Variants in ATP11B observed in about 807,000 individuals in gnomAD.
ATP11B encodes ATPase phospholipid transporting 11B (putative).
A neutral mutation model predicts 157.8 loss-of-function variants in ATP11B; 81 were observed. The ratio of observed to expected loss-of-function variants is 0.51; its 90% CI spans 0.43 to 0.62. ATP11B has a LOEUF of 0.62. Among genes scored for constraint, ATP11B ranks in the 20% least tolerant of loss-of-function variants. The pLI is 0.00. For synonymous variants in ATP11B, 451 were observed against 469.4 expected (o/e 0.96, Z 0.51); for missense variants, 1,165 against 1,402.2 (o/e 0.83, Z 2.70).
chr3:182,899,150 A>ATT (rs34492261), intron 28 of ATP11B, among the ~76,000 whole-genome samples: 5 of 128,356 alleles, frequency 3.9e-5, no homozygotes, highest in Admixed American at 8.2e-5. Flanking sequence ...AATTTGAGTA[A>ATT]TTTTTTTTTT....
In ATP11B at chr3:182,896,740, T is replaced by G. The variant is rs1263590731; in HGVS notation, c.3023T>G (p.Val1008Gly). 7 of 1,613,302 alleles carry G rather than the reference T, an allele frequency of 4.3e-6. No homozygotes were observed. Among genetic ancestry groups the G allele is most frequent in the Non-Finnish European group, 5.9e-6 (7 of 1,179,424 alleles). The change falls in exon 26 of 30, where the codon GTC becomes GGC. Residue 1008 changes from valine to glycine, a missense_variant. Val to Gly is a moderately radical substitution (Grantham distance 109). Transcript: ENST00000323116. ...ACATTTGGCACTTTGGTCTTCACAG[T>G]CATGGTTATTACAGTCACAGTAAAG... Reference protein sequence around the residue: ...NWTFGTLVFTVMVITVTVKMA... With the variant: ...NWTFGTLVFTGMVITVTVKMA...
intron 28 of ATP11B, among the ~76,000 whole-genome samples, chr3:182,910,392 A>G (rs1472405226): frequency 6.6e-6 from 1 of 152,052 alleles, no homozygotes; most frequent in African/African-American, 2.4e-5. Context: ...CCTGGGCCGT[A>G]TAGTAAGACC....
At chr3:182,866,480 C>T (rs1156726639) in intron 14 of ATP11B, 37 bp downstream of exon 14, 2 of 1,435,874 alleles carry the variant, frequency 1.4e-6, no homozygotes, top group Non-Finnish European at 1.9e-6. Flanking sequence ...CGGAAAAACA[C>T]CATTTAAATA....
chr3:182,824,907 G>T (rs973906309), intron 2 of ATP11B, among the ~76,000 whole-genome samples: 7 of 152,154 alleles, frequency 4.6e-5, no homozygotes, highest in Admixed American at 2.6e-4. Context: ...TTATGTATTT[G>T]TGGACATTGT....
chr3:182,902,786 A>G (rs1201741276), intron 28 of ATP11B, among the ~76,000 whole-genome samples: 1 of 152,044 alleles, frequency 6.6e-6, no homozygotes, highest in Non-Finnish European at 1.5e-5. Context: ...ATTCAACGTG[A>G]TCACAGAACA....
At chr3:182,917,217 A>G in intron 29 of ATP11B, 7 of 985,344 alleles carry the variant, frequency 7.1e-6, no homozygotes, top group Non-Finnish European at 8.4e-6. Context: ...GTTACATAAA[A>G]TGTATTTATT....
Position 182,872,646 on chromosome 3 carries a change from T to G in ATP11B, c.2048+109T>G, listed in dbSNP as rs1044281576. On this transcript the variant is annotated intron_variant, in intron 18 of 29. Coordinates refer to ENST00000323116, the MANE Select transcript of ATP11B (RefSeq NM_014616.3). ...TCTTTACTAACATCCCATGATATAT[T>G]TAAGATCAAAGTAGAGAACTAAAGC... 6 of 1,017,568 alleles carry G rather than the reference T, an allele frequency of 5.9e-6. No individual in the cohort carries two copies. The African/African-American group carries it at 9.7e-5, about 16-fold the overall frequency. The allele number at this position is 1,017,568 out of a possible 1,614,324, so 63.0% of individuals were successfully genotyped here. A position where few individuals can be genotyped will look rare whatever the true frequency, so the allele number is the denominator to read the frequency against.
In ATP11B at chr3:182,869,159, A is replaced by G. The variant is rs1366518354; in HGVS notation, c.1762+8A>G. 2 of 1,606,336 alleles carry G rather than the reference A, an allele frequency of 1.2e-6. No individual in the cohort carries two copies. The highest frequency in any genetic ancestry group is 2.2e-5 in the East Asian group (1 of 44,700). ...TTGTTCAGGCACCTTCAGGTAACCA[A>G]TCTAAACTTTCATGAATTTTTATTT... On this transcript the variant is annotated splice_region_variant and intron_variant, in intron 16 of 29. Transcript: ENST00000323116.
At chr3:182,858,808 G>T (rs1018675110) in intron 11 of ATP11B, among the ~76,000 whole-genome samples, 4 of 152,062 alleles carry the variant, frequency 2.6e-5, no homozygotes, top group Admixed American at 6.6e-5. Flanking sequence ...ATTTTGAAGG[G>T]TAATAGTAGA....
At chr3:182,796,404 T>C (rs1398684420) in intron 1 of ATP11B, among the ~76,000 whole-genome samples, 3 of 152,224 alleles carry the variant, frequency 2.0e-5, no homozygotes, top group Admixed American at 6.5e-5. Flanking sequence ...TGTATTCTAA[T>C]ATTTAGACCT....
chr3:182,841,372 A>G (rs771148973), intron 7 of ATP11B, among the ~76,000 whole-genome samples: 15 of 152,204 alleles, frequency 9.9e-5, no homozygotes, highest in Non-Finnish European at 2.2e-4. Flanking sequence ...ATGGATCTCA[A>G]GCACCTAGAA....
rs1560092816 is a variant in ATP11B, at chr3:182,859,291, C to T, written c.1132C>T (p.Leu378=). The part of the protein sequence containing the change: ...GSFFIGWDLD[L]YHEESDQKAQ... The stretch of plus-strand genomic sequence containing the variant: ...ATTTTTTATTGGCTGGGATCTTGAT[C>T]TGTATCATGAAGAATCAGATCAGAA... The change falls in exon 12 of 30, where the codon CTG becomes TTG. Residue 378 remains leucine (L), a synonymous_variant. Transcript: ENST00000323116. 6.2e-7 allele frequency: 1 copy of T among 1,611,368 alleles called. No homozygotes were observed. The highest frequency in any genetic ancestry group is 8.5e-7 in the Non-Finnish European group (1 of 1,178,594).
At chr3:182,913,457 A>G (rs1193988437) in intron 28 of ATP11B, among the ~76,000 whole-genome samples, 1 of 152,210 alleles carries the variant, frequency 6.6e-6, no homozygotes, top group East Asian at 1.9e-4. Flanking sequence ...GTTCATTGAA[A>G]TTGCAGGCTA....
chr3:182,836,215 C>T lies in ATP11B; in HGVS notation c.423+73C>T, dbSNP rs6769098. 10,820 of 1,557,428 alleles carry T rather than the reference C, an allele frequency of 6.9e-3. 571 individuals carry two copies. In the African/African-American group the frequency reaches 0.12, roughly 17 times the overall value. The stretch of plus-strand genomic sequence containing the variant: ...GGACATAATTCTAATCTTGATATTA[C>T]GTTTTAGTTAAAAGCCTACTTTCCT... On this transcript the variant is annotated intron_variant, in intron 5 of 29. Coordinates refer to ENST00000323116, the MANE Select transcript of ATP11B (RefSeq NM_014616.3).
chr3:182,912,489 C>T (rs1724864495), intron 28 of ATP11B, among the ~76,000 whole-genome samples: 2 of 151,226 alleles, frequency 1.3e-5, no homozygotes, highest in South Asian at 2.1e-4. Context: ...TCTTACAAAA[C>T]ACAGTTTAAG....
chr3:182,836,030 T>C lies in ATP11B; in HGVS notation c.316-5T>C. ...AATTATTTTTTACCCTTTGGATATT[T>C]ACAGGGATATGAAGATTGGTTACGG... On this transcript the variant is annotated splice_polypyrimidine_tract_variant and splice_region_variant and intron_variant, in intron 4 of 29. Coordinates refer to ENST00000323116, the MANE Select transcript of ATP11B (RefSeq NM_014616.3). The C allele has an allele frequency of 6.3e-7, 1 of 1,595,850 alleles. No homozygotes were observed. The highest frequency in any genetic ancestry group is 8.5e-7 in the Non-Finnish European group (1 of 1,169,940).
At chr3:182,910,682 C>G (rs938391678) in intron 28 of ATP11B, among the ~76,000 whole-genome samples, 1 of 152,224 alleles carries the variant, frequency 6.6e-6, no homozygotes, top group Non-Finnish European at 1.5e-5. Flanking sequence ...TACTCAAGCG[C>G]TGGCTACCTT....
At position 182,866,326 on chromosome 3, in the gene ATP11B, G is replaced by A. The variant is rs1283884704; in HGVS notation, c.1502G>A (p.Ser501Asn). 6.2e-7 allele frequency: 1 copy of A among 1,613,728 alleles called. No individual in the cohort carries two copies. The highest frequency in any genetic ancestry group is 8.5e-7 in the Non-Finnish European group (1 of 1,179,772). ...AGTCTCTGTCACACTGTACAGATTAGCAATGTTCAAACTGACTGCACTGGT... is the reference window on the plus strand; with the variant it reads ...AGTCTCTGTCACACTGTACAGATTAACAATGTTCAAACTGACTGCACTGGT... Reference protein sequence around the residue: ...AVSLCHTVQISNVQTDCTGDG... With the variant: ...AVSLCHTVQINNVQTDCTGDG... The change falls in exon 14 of 30, where the codon AGC (serine) becomes AAC (asparagine). Residue 501 changes from serine (S) to asparagine (N), a missense_variant. Ser to Asn is a conservative substitution (Grantham distance 46). Around this residue, in one of 4 missense-constraint regions of ATP11B, gnomAD observed 737 missense variants for 930.5 expected, o/e 0.79. Coordinates refer to ENST00000323116, the MANE Select transcript of ATP11B (RefSeq NM_014616.3).
chr3:182,869,206 A>G (rs1441573970), intron 16 of ATP11B, 22 bp from the exon 17 acceptor site: 4 of 1,597,894 alleles, frequency 2.5e-6, no homozygotes, highest in Non-Finnish European at 3.4e-6. Context: ...AGAGTCTGAT[A>G]ACTCATTTTT....
Sources: gnomAD v4.1 joint callset for allele counts (sites outside exome capture counted in the v4.1 genomes callset) on GRCh38, gnomAD v4.1.1 for gene constraint, gnomAD v4.1.1 regional missense constraint, MANE v1.5 for transcripts, NCBI Gene and HGNC (gene_info 2026-07-23, HGNC 2026-07-21) for gene names.